MTREX: variants seen among roughly 807,000 people sequenced by gnomAD.
MTREX encodes the protein exosome RNA helicase MTR4.
A neutral mutation model predicts 135.4 loss-of-function variants in MTREX; 76 were observed. That is an observed-to-expected ratio of 0.56 (90% confidence interval 0.47 to 0.68). The LOEUF is 0.68. Ranked by LOEUF, MTREX falls within the 30% of genes least tolerant of loss-of-function variation. The pLI is 0.00. For missense variants in MTREX, 920 were observed against 1,262.1 expected (o/e 0.73, Z 4.11); for synonymous variants, 404 against 401.6 (o/e 1.01, Z -0.07).
chr5:55,368,100 G>A (rs1026219475), intron 16 of MTREX, among the ~76,000 whole-genome samples: 3 of 152,008 alleles, frequency 2.0e-5, no homozygotes, highest in Non-Finnish European at 4.4e-5. Context: ...TTTACCTTAC[G>A]CCTAGCCTTT....
chr5:55,312,778 T>C (rs1187944330), intron 1 of MTREX, among the ~76,000 whole-genome samples: 1 of 152,242 alleles, frequency 6.6e-6, no homozygotes, highest in Non-Finnish European at 1.5e-5. Context: ...TCCAATCTTT[T>C]GAACAGTGAG....
intron 2 of MTREX, 71 bp from the exon 3 acceptor site, chr5:55,324,061 A>G (rs1749329922): frequency 2.8e-6 from 3 of 1,067,894 alleles, no homozygotes; most frequent in Admixed American, 3.9e-5. Flanking sequence ...TTAACAGTGC[A>G]ATGTGAGGCT....
In MTREX at chr5:55,423,188, G is replaced by A. The variant is rs115081072; in HGVS notation, c.3076+206G>A. ...ATACATGCATTTACGTATATTAATT[G>A]TACGCTAACTACATGCCAGGCATTG... On this transcript the variant is annotated intron_variant, in intron 26 of 26. Transcript: ENST00000230640. The A allele has an allele frequency of 1.8e-3, 993 of 552,244 alleles. 7 individuals carry two copies. Among genetic ancestry groups the A allele is most frequent in the African/African-American group, 0.016 (842 of 52,290 alleles). The allele number at this position is 552,244 out of a possible 1,614,324, so 34.2% of individuals were successfully genotyped here. A position where few individuals can be genotyped will look rare whatever the true frequency, so the allele number is the denominator to read the frequency against.
At chr5:55,422,604 A>G (rs1379827534) in intron 25 of MTREX, among the ~76,000 whole-genome samples, 1 of 152,050 alleles carries the variant, frequency 6.6e-6, no homozygotes, top group Admixed American at 6.6e-5. Flanking sequence ...CCTTCACCCA[A>G]AGTTGCTCCC....
Position 55,379,197 on chromosome 5 carries a change from TA to T in MTREX, c.2052+5del, listed in dbSNP as rs1561202878. 2 of 1,537,826 alleles carry T rather than the reference TA, an allele frequency of 1.3e-6. No individual in the cohort carries two copies. Among genetic ancestry groups the T allele is most frequent in the Admixed American group, 1.7e-5 (1 of 59,766 alleles). ...TTCTCAAAAAAGTCAAATGTTAAGGTAAACTATTATCTTTAAATTAGAATTG... is the reference window on the plus strand; with the variant it reads ...TTCTCAAAAAAGTCAAATGTTAAGGTAACTATTATCTTTAAATTAGAATTG... On this transcript the variant is annotated splice_donor_region_variant and intron_variant, in intron 18 of 26. Transcript: ENST00000230640.
rs1018607211 is a variant in MTREX, at chr5:55,311,790, G to T, written c.134+3643G>T. 3.3e-5 allele frequency among the ~76,000 whole-genome samples: 5 copies of T among 152,126 alleles called. 1 individual carries two copies. The highest frequency in any genetic ancestry group is 2.6e-4 in the Admixed American group (4 of 15,280). On this transcript the variant is annotated intron_variant, in intron 1 of 26. Coordinates refer to ENST00000230640, the MANE Select transcript of MTREX (RefSeq NM_015360.5). ...ATTTTAATTTGGTTATAATTGAAAT[G>T]ATAGTATTTTGCATATATTGGGTTC...
intron 15 of MTREX, among the ~76,000 whole-genome samples, chr5:55,359,747 C>T (rs967836437): frequency 3.9e-5 from 6 of 152,010 alleles, no homozygotes; most frequent in African/African-American, 1.4e-4. Flanking sequence ...ATTTTTCTTT[C>T]CTTGTACTGT....
chr5:55,319,507 A>G (rs1027693072), intron 1 of MTREX, among the ~76,000 whole-genome samples: 1 of 152,178 alleles, frequency 6.6e-6, no homozygotes, highest in Non-Finnish European at 1.5e-5. Context: ...TTATAATTAG[A>G]TGTTGGCCAA....
chr5:55,422,780 A>G (rs1361022794), intron 25 of MTREX, 98 bp from the exon 26 acceptor site: 7 of 829,304 alleles, frequency 8.4e-6, no homozygotes, highest in South Asian at 3.5e-5. Flanking sequence ...TCAAAGTACT[A>G]TTAATTATCG....
chr5:55,342,258 A>C (rs1749662518), intron 7 of MTREX, among the ~76,000 whole-genome samples: 1 of 152,336 alleles, frequency 6.6e-6, no homozygotes, highest in African/African-American at 2.4e-5. Context: ...TTAAGATTTC[A>C]TTCAAGTACA....
In MTREX at chr5:55,425,023, G is replaced by A. The variant is rs1751133694; in HGVS notation, c.*251G>A. On this transcript the variant is annotated 3_prime_UTR_variant, in exon 27 of 27. Transcript: ENST00000230640. ...TTGGAGTTTTTTTAATGAGTTTAGA[G>A]CTATTAGATAACCACTGAGTTAAAG... is the stretch of plus-strand genomic sequence containing the variant. The A allele has an allele frequency of 1.9e-5, 16 of 828,396 alleles. No homozygotes were observed. The South Asian group carries it at 2.6e-4, about 13-fold the overall frequency. 51.3% of individuals were successfully genotyped at this position (828,396 alleles called of 1,614,324 possible).
At chr5:55,314,967 C>T (rs927521350) in intron 1 of MTREX, among the ~76,000 whole-genome samples, 2 of 152,240 alleles carry the variant, frequency 1.3e-5, no homozygotes, top group Admixed American at 6.5e-5. Flanking sequence ...TGTTCACTCA[C>T]TCGCTGCTCA....
At chr5:55,386,537 A>G (rs1026467903) in intron 18 of MTREX, among the ~76,000 whole-genome samples, 3 of 152,170 alleles carry the variant, frequency 2.0e-5, no homozygotes, top group Non-Finnish European at 1.5e-5. Context: ...AAGGCTTCCT[A>G]TTGTGTTTCC....
At chr5:55,424,699 C>A in intron 26 of MTREX, 21 bp from the exon 27 acceptor site, 1 of 1,593,860 alleles carries the variant, frequency 6.3e-7, no homozygotes, top group Middle Eastern at 1.7e-4. Context: ...AAAGTTTAAA[C>A]CTTACTTTCT....
intron 18 of MTREX, among the ~76,000 whole-genome samples, chr5:55,379,912 T>C (rs1750366811): frequency 6.6e-6 from 1 of 152,194 alleles, no homozygotes; most frequent in Non-Finnish European, 1.5e-5. Flanking sequence ...TCCTTTCACC[T>C]TAGGTTTTAC....
chr5:55,333,317 A>G (rs1749505570), intron 5 of MTREX, among the ~76,000 whole-genome samples: 1 of 152,160 alleles, frequency 6.6e-6, no homozygotes, highest in Non-Finnish European at 1.5e-5. Flanking sequence ...ATTTCTTAAG[A>G]GTCCACTCCT....
intron 18 of MTREX, among the ~76,000 whole-genome samples, chr5:55,380,394 A>C (rs10041616): frequency 0.47 from 71,550 of 151,916 alleles, 17,592 homozygotes; most frequent in African/African-American, 0.61. Flanking sequence ...AAAAAGAAAC[A>C]TATGTCATTC....
At chr5:55,381,499 T>G (rs1235787435) in intron 18 of MTREX, among the ~76,000 whole-genome samples, 1 of 152,220 alleles carries the variant, frequency 6.6e-6, no homozygotes, top group Non-Finnish European at 1.5e-5. Flanking sequence ...AATTTCCCTT[T>G]TGATTTCTTC....
chr5:55,315,281 C>T (rs978821050), intron 1 of MTREX, among the ~76,000 whole-genome samples: 30 of 152,094 alleles, frequency 2.0e-4, no homozygotes, highest in African/African-American at 6.5e-4. Flanking sequence ...GATATTATTT[C>T]TCTAACATAA....
Sources: gnomAD v4.1 joint callset for allele counts (sites outside exome capture counted in the v4.1 genomes callset) on GRCh38, gnomAD v4.1.1 for gene constraint, MANE v1.5 for transcripts, NCBI Gene and HGNC (gene_info 2026-07-23, HGNC 2026-07-21) for gene names.